BMPER: variants seen among roughly 807,000 people sequenced by gnomAD.
BMPER encodes the protein BMP-binding endothelial regulator protein.
BMPER carries 45 observed loss-of-function variants against 87.3 expected under a neutral mutation model. The ratio of observed to expected loss-of-function variants is 0.52; its 90% CI spans 0.41 to 0.66. The LOEUF is 0.66. Among genes scored for constraint, BMPER ranks in the 30% least tolerant of loss-of-function variants. BMPER has a pLI of 0.00. For synonymous variants in BMPER, 326 were observed against 316.2 expected (o/e 1.03, Z -0.33); for missense variants, 784 against 867.5 (o/e 0.90, Z 1.21).
intron 13 of BMPER, among the ~76,000 whole-genome samples, chr7:34,106,583 C>T (rs1459491963): frequency 6.6e-6 from 1 of 152,200 alleles, no homozygotes; most frequent in Non-Finnish European, 1.5e-5. Flanking sequence ...CCACAGACTC[C>T]TAAGCTGTCC....
intron 4 of BMPER, among the ~76,000 whole-genome samples, chr7:33,968,271 G>A (rs963527313): frequency 2.6e-5 from 4 of 152,174 alleles, no homozygotes; most frequent in African/African-American, 4.8e-5. Flanking sequence ...TATTCAATAC[G>A]CAGAAAAGCA....
chr7:33,932,177 T>C lies in BMPER; in HGVS notation c.220-5112T>C, dbSNP rs146641387. On this transcript the variant is annotated intron_variant, in intron 2 of 14. Coordinates refer to ENST00000649409, the MANE Select transcript of BMPER (RefSeq NM_001365308.1). ...CAGGAAATTGGCTATTTGGGATGAATGTGGGTCTACCTCCAGGGGTATTTG... is the reference window on the plus strand; with the variant it reads ...CAGGAAATTGGCTATTTGGGATGAACGTGGGTCTACCTCCAGGGGTATTTG... Among the ~76,000 whole-genome samples, 696 of 152,298 alleles carry C rather than the reference T, an allele frequency of 4.6e-3. 4 individuals are homozygous for C. The highest frequency in any genetic ancestry group is 0.016 in the African/African-American group (666 of 41,564).
chr7:34,112,496 GAAAAAAAAAA>G (rs35506917), intron 13 of BMPER, among the ~76,000 whole-genome samples: 1 of 18,760 alleles, frequency 5.3e-5, no homozygotes, highest in Non-Finnish European at 1.6e-4. Flanking sequence ...CTCCGTCTCA[GAAAAAAAAAA>G]AAAAAAAAAA....
intron 6 of BMPER, among the ~76,000 whole-genome samples, chr7:34,014,235 A>G (rs1025955386): frequency 2.6e-5 from 4 of 151,908 alleles, no homozygotes; most frequent in African/African-American, 7.2e-5. Flanking sequence ...GTGGGGACAC[A>G]TGGGAAAGGC....
intron 14 of BMPER, among the ~76,000 whole-genome samples, chr7:34,146,994 C>T (rs1791044460): frequency 6.6e-6 from 1 of 152,186 alleles, no homozygotes; most frequent in African/African-American, 2.4e-5. Context: ...TCATCCTTAG[C>T]AGAATGTCTG....
intron 12 of BMPER, among the ~76,000 whole-genome samples, chr7:34,084,004 A>T (rs937087145): frequency 5.4e-5 from 4 of 73,518 alleles, no homozygotes; most frequent in African/African-American, 1.9e-4. Context: ...AAAGATTTAA[A>T]AAAAAAAAAA....
intron 14 of BMPER, among the ~76,000 whole-genome samples, chr7:34,149,127 G>A (rs1791105092): frequency 6.6e-6 from 1 of 152,070 alleles, no homozygotes; most frequent in Non-Finnish European, 1.5e-5. Context: ...AAGAGCCCAG[G>A]CCTCATCGAT....
chr7:33,964,873 G>A lies in BMPER; in HGVS notation c.320-1606G>A, dbSNP rs574409153. Among the ~76,000 whole-genome samples the A allele has an allele frequency of 6.6e-5, 10 of 152,218 alleles. No individual in the cohort carries two copies. In the East Asian group the frequency reaches 7.7e-4, roughly 12 times the overall value. On this transcript the variant is annotated intron_variant, in intron 3 of 14. Transcript: ENST00000649409. The stretch of plus-strand genomic sequence containing the variant: ...AACTCCACTGGCAGACTTGGCAGGC[G>A]TTTCATATTTACTTGGACTTAACAT...
In BMPER at chr7:34,063,007, A is replaced by G. The variant is rs116818932; in HGVS notation, c.1078+960A>G. ...AGACAGAGCATAGCAATAGCTTCAT[A>G]TCATTCCCACATGTAGACACATGCC... is the stretch of plus-strand genomic sequence containing the variant. On this transcript the variant is annotated intron_variant, in intron 11 of 14. Transcript: ENST00000649409. Among the ~76,000 whole-genome samples, 1,385 of 152,340 alleles carry G rather than the reference A, an allele frequency of 9.1e-3. 23 individuals are homozygous for G. Among genetic ancestry groups the G allele is most frequent in the African/African-American group, 0.032 (1,310 of 41,566 alleles).
chr7:33,921,022 C>T (rs1585637309), intron 2 of BMPER, among the ~76,000 whole-genome samples: 1 of 152,104 alleles, frequency 6.6e-6, no homozygotes, highest in South Asian at 2.1e-4. Flanking sequence ...TCATCTTTAT[C>T]AAACCTCCTT....
chr7:33,941,057 A>G (rs1562643333), intron 3 of BMPER, among the ~76,000 whole-genome samples: 2 of 133,814 alleles, frequency 1.5e-5, no homozygotes, highest in Non-Finnish European at 3.1e-5. Context: ...TTTATATGTA[A>G]TATATTACAT....
At chr7:33,943,628 G>C (rs540617075) in intron 3 of BMPER, among the ~76,000 whole-genome samples, 2 of 152,230 alleles carry the variant, frequency 1.3e-5, no homozygotes, top group East Asian at 1.9e-4. Flanking sequence ...TTACTAAATG[G>C]CTCCAAAAAA....
chr7:34,024,383 CAA>C (rs1562695182), intron 6 of BMPER, among the ~76,000 whole-genome samples: 5 of 7,248 alleles, frequency 6.9e-4, no homozygotes, highest in African/African-American at 2.6e-3. Flanking sequence ...AAAAAAAAAA[CAA>C]TATATATATA....
rs1054436516 is a variant in BMPER, at chr7:34,088,793, C to T, written c.1745+2701C>T. Among the ~76,000 whole-genome samples the T allele has an allele frequency of 2.6e-5, 4 of 152,218 alleles. No homozygotes were observed. In the East Asian group the frequency reaches 5.8e-4, roughly 22 times the overall value. The stretch of plus-strand genomic sequence containing the variant: ...TGGAGAAGCTTGCCCCTGGATTCAC[C>T]GTTTACCTTTCTGATTGTCCACATT... On this transcript the variant is annotated intron_variant, in intron 13 of 14. Transcript: ENST00000649409.
chr7:33,956,291 A>C (rs1221244605), intron 3 of BMPER, among the ~76,000 whole-genome samples: 2 of 152,182 alleles, frequency 1.3e-5, no homozygotes, highest in Non-Finnish European at 2.9e-5. Flanking sequence ...ACAACAAAAA[A>C]TCTAATTAGA....
intron 6 of BMPER, among the ~76,000 whole-genome samples, chr7:34,037,451 C>T (rs1189645901): frequency 1.3e-5 from 2 of 152,098 alleles, no homozygotes; most frequent in Non-Finnish European, 2.9e-5. Context: ...ACCCCTCCAC[C>T]GAGACCGGTT....
At chr7:34,022,554 G>T (rs779925091) in intron 6 of BMPER, among the ~76,000 whole-genome samples, 6 of 151,636 alleles carry the variant, frequency 4.0e-5, no homozygotes, top group African/African-American at 1.5e-4. Context: ...TTTTTTTGAG[G>T]CCCTACAGGA....
At position 34,154,923 on chromosome 7, in the gene BMPER, C is replaced by T. The variant is rs985650502; in HGVS notation, c.*1650C>T. Reference sequence around the variant, plus strand: ...GTCAGGTCATTGTTTCAATGCTGCCCTTGGAAAGAAGACTTTGACTTAGGT... The same window carrying T: ...GTCAGGTCATTGTTTCAATGCTGCCTTTGGAAAGAAGACTTTGACTTAGGT... On this transcript the variant is annotated 3_prime_UTR_variant, in exon 15 of 15. Coordinates refer to ENST00000649409, the MANE Select transcript of BMPER (RefSeq NM_001365308.1). The T allele has an allele frequency of 4.0e-5, 6 of 151,876 alleles. No homozygotes were observed. Among genetic ancestry groups the T allele is most frequent in the African/African-American group, 1.5e-4 (6 of 41,326 alleles). 9.4% of individuals were successfully genotyped at this position (151,876 alleles called of 1,614,324 possible). A position where few individuals can be genotyped will look rare whatever the true frequency, so the allele number is the denominator to read the frequency against.
At chr7:34,046,196 T>A in intron 6 of BMPER, 110 bp from the exon 7 acceptor site, 1 of 1,011,886 alleles carries the variant, frequency 9.9e-7, no homozygotes, top group Non-Finnish European at 1.5e-6. Context: ...GCAGTCAGTC[T>A]AGGGACCTAA....
Sources: allele counts gnomAD v4.1 joint callset (sites outside exome capture counted in the v4.1 genomes callset), GRCh38; gene constraint gnomAD v4.1.1; transcripts MANE v1.5; gene names NCBI Gene and HGNC (gene_info 2026-07-23, HGNC 2026-07-21).